The following INSR variants were observed in gnomAD, a reference collection of about 807,000 sequenced individuals.
INSR encodes IR.
A neutral mutation model predicts 142.6 loss-of-function variants in INSR; 67 were observed. That is an observed-to-expected ratio of 0.47 (90% confidence interval 0.39 to 0.58). The LOEUF (loss-of-function observed/expected upper bound fraction) is 0.58, where lower values mean the gene tolerates loss of function less well. INSR is among the 20% of genes least tolerant of loss of function. The pLI is 0.00. For synonymous variants in INSR, 756 were observed against 743.1 expected (o/e 1.02, Z -0.28); for missense variants, 1,248 against 1,833.2 (o/e 0.68, Z 5.83).
chr19:7,186,759 C>A (rs924177613), intron 2 of INSR, among the ~76,000 whole-genome samples: 1 of 151,948 alleles, frequency 6.6e-6, no homozygotes. Flanking sequence ...GGCTGGGGTG[C>A]AGTGGCGCGA....
At chr19:7,198,675 G>A (rs1974862961) in intron 2 of INSR, among the ~76,000 whole-genome samples, 1 of 152,068 alleles carries the variant, frequency 6.6e-6, no homozygotes, top group South Asian at 2.1e-4. Context: ...AACTCGCCGG[G>A]CCAGTGCACC....
At chr19:7,241,415 G>A (rs1234538742) in intron 2 of INSR, among the ~76,000 whole-genome samples, 1 of 152,026 alleles carries the variant, frequency 6.6e-6, no homozygotes, top group African/African-American at 2.4e-5. Context: ...CTGGAGGTCA[G>A]GAGTTCGAGA....
chr19:7,251,581 G>A (rs1019073526), intron 2 of INSR, among the ~76,000 whole-genome samples: 4 of 151,514 alleles, frequency 2.6e-5, no homozygotes, highest in African/African-American at 9.7e-5. Flanking sequence ...TTTTTTAATG[G>A]GCAAAGCTAA....
chr19:7,291,891 T>C (rs1167663041), intron 1 of INSR, among the ~76,000 whole-genome samples: 2 of 151,782 alleles, frequency 1.3e-5, no homozygotes, highest in Non-Finnish European at 1.5e-5. Context: ...CTCCCGGGTT[T>C]ACGCCATTCT....
At chr19:7,200,618 T>C (rs1974925418) in intron 2 of INSR, among the ~76,000 whole-genome samples, 1 of 151,864 alleles carries the variant, frequency 6.6e-6, no homozygotes, top group Non-Finnish European at 1.5e-5. Flanking sequence ...GCAGGAGGAT[T>C]GCTTGAGCCT....
At chr19:7,163,946 A>T (rs979653945) in intron 8 of INSR, among the ~76,000 whole-genome samples, 1 of 146,962 alleles carries the variant, frequency 6.8e-6, no homozygotes, top group African/African-American at 2.6e-5. Context: ...AAAAAAAAAA[A>T]AAATTAGCTG....
chr19:7,182,084 C>A (rs75923074), intron 3 of INSR, among the ~76,000 whole-genome samples: 27,252 of 151,570 alleles, frequency 0.18, 2,901 homozygotes, highest in South Asian at 0.22. Context: ...GTAATCCCAG[C>A]ACTTTGGGAG....
At chr19:7,239,874 T>C (rs1014708539) in intron 2 of INSR, among the ~76,000 whole-genome samples, 4 of 152,126 alleles carry the variant, frequency 2.6e-5, no homozygotes, top group African/African-American at 9.6e-5. Context: ...GGTGTAGCAA[T>C]TGGAATCACA....
chr19:7,195,799 T>C (rs1053877651), intron 2 of INSR, among the ~76,000 whole-genome samples: 5 of 151,962 alleles, frequency 3.3e-5, no homozygotes, highest in Admixed American at 3.3e-4. Flanking sequence ...AAAATCTATA[T>C]AGGGCAATAT....
intron 1 of INSR, among the ~76,000 whole-genome samples, chr19:7,284,281 T>C (rs983817451): frequency 4.6e-5 from 7 of 151,840 alleles, no homozygotes; most frequent in Admixed American, 6.6e-5. Context: ...CCCAGGCTGG[T>C]CTCAAACTCT....
rs553828160 is a variant in INSR, at chr19:7,119,644, G to A, written c.3660-61C>T. On this transcript the variant is annotated intron_variant, in intron 20 of 21. Coordinates refer to ENST00000302850, the MANE Select transcript of INSR (RefSeq NM_000208.4). This position sits in a 1 kb window ranked among gnomAD's most constrained non-coding sequence, Gnocchi z 5.2. ...CATTTAGACACACACACACACGCGC[G>A]CGCGCAAACACACACACGCAAACGC... 887 of 1,430,016 alleles carry A rather than the reference G, an allele frequency of 6.2e-4. 3 individuals are homozygous for A. In the African/African-American group the frequency reaches 7.9e-3, roughly 13 times the overall value. The allele number at this position is 1,430,016 out of a possible 1,614,324, so 88.6% of individuals were successfully genotyped here. A position where few individuals can be genotyped will look rare whatever the true frequency, so the allele number is the denominator to read the frequency against.
intron 13 of INSR, among the ~76,000 whole-genome samples, chr19:7,141,095 C>T (rs891092175): frequency 2.6e-5 from 4 of 152,058 alleles, no homozygotes; most frequent in South Asian, 2.1e-4. Flanking sequence ...CAGGCTGGAG[C>T]GCAATGGTGC....
At chr19:7,179,032 C>G (rs1351109853) in intron 3 of INSR, among the ~76,000 whole-genome samples, 1 of 152,094 alleles carries the variant, frequency 6.6e-6, no homozygotes, top group Non-Finnish European at 1.5e-5. Flanking sequence ...TGCTTAAGCC[C>G]CTCAAGTACC....
At chr19:7,140,526 T>A (rs1039655176) in intron 13 of INSR, among the ~76,000 whole-genome samples, 4 of 152,178 alleles carry the variant, frequency 2.6e-5, no homozygotes, top group African/African-American at 9.7e-5. Context: ...ATATCAGTCA[T>A]GCATTTGGAT....
intron 2 of INSR, among the ~76,000 whole-genome samples, chr19:7,258,060 G>A (rs543189540): frequency 8.5e-4 from 129 of 152,204 alleles, no homozygotes; most frequent in Non-Finnish European, 1.5e-3. Context: ...TCCTGGCCTC[G>A]AGTGATCTGC....
intron 2 of INSR, among the ~76,000 whole-genome samples, chr19:7,208,573 GA>G (rs1238091522): frequency 1.3e-5 from 2 of 152,186 alleles, no homozygotes; most frequent in African/African-American, 4.8e-5. Context: ...AAGCCAGTGA[GA>G]AAACAACAGC....
chr19:7,233,707 G>T (rs1379257740), intron 2 of INSR, among the ~76,000 whole-genome samples: 3 of 112,700 alleles, frequency 2.7e-5, no homozygotes, highest in African/African-American at 3.5e-5. Flanking sequence ...ACGCAGTCTC[G>T]CTGTGTTGCC....
Position 7,116,180 on chromosome 19 carries a change from C to A in INSR, c.*876G>T, listed in dbSNP as rs1184600773. The A allele has an allele frequency of 7.1e-6, 1 of 140,046 alleles. No homozygotes were observed. Among genetic ancestry groups the A allele is most frequent in the African/African-American group, 2.7e-5 (1 of 37,232 alleles). The allele number at this position is 140,046 out of a possible 1,614,324, so 8.7% of individuals were successfully genotyped here. A position where few individuals can be genotyped will look rare whatever the true frequency, so the allele number is the denominator to read the frequency against. On this transcript the variant is annotated 3_prime_UTR_variant, in exon 22 of 22. Transcript: ENST00000302850. Reference sequence around the variant, plus strand: ...TTGGTCTTGAAAAGATTCATAATCACTCCAAATGAAATGCTCCTCCCTTGG... The same window carrying A: ...TTGGTCTTGAAAAGATTCATAATCAATCCAAATGAAATGCTCCTCCCTTGG...
intron 2 of INSR, among the ~76,000 whole-genome samples, chr19:7,221,523 C>G (rs759153572): frequency 9.2e-5 from 14 of 152,196 alleles, no homozygotes; most frequent in Non-Finnish European, 1.6e-4. Flanking sequence ...GCCTGGCCAG[C>G]ACGGCGAAAC....
Sources: gnomAD v4.1 joint callset for allele counts (sites outside exome capture counted in the v4.1 genomes callset) on GRCh38, gnomAD v4.1.1 for gene constraint, Gnocchi (gnomAD v3.1) non-coding constraint, MANE v1.5 for transcripts, NCBI Gene and HGNC (gene_info 2026-07-23, HGNC 2026-07-21) for gene names.